Variants in DIS3L2 observed in about 807,000 individuals in gnomAD.
The protein encoded by DIS3L2 is DIS3-like exonuclease 2.
Under a neutral mutation model 97.5 loss-of-function variants are expected in DIS3L2, and 34 were observed. That is an observed-to-expected ratio of 0.35 (90% confidence interval 0.27 to 0.46). DIS3L2 has a LOEUF of 0.46. DIS3L2 is among the 20% of genes least tolerant of loss of function. The pLI is 1.00. For synonymous variants in DIS3L2, 435 were observed against 445.2 expected (o/e 0.98, Z 0.29); for missense variants, 1,038 against 1,146.0 (o/e 0.91, Z 1.36).
intron 1 of DIS3L2, among the ~76,000 whole-genome samples, chr2:231,963,828 C>T (rs534579894): frequency 6.6e-6 from 1 of 152,280 alleles, no homozygotes; most frequent in East Asian, 1.9e-4. Context: ...AAGTGATCCT[C>T]CCACCTCAGC....
At chr2:232,115,592 T>G (rs996717760) in intron 6 of DIS3L2, among the ~76,000 whole-genome samples, 10 of 152,190 alleles carry the variant, frequency 6.6e-5, no homozygotes, top group African/African-American at 2.4e-4. Flanking sequence ...GAATTGTAAT[T>G]GCCATGTGTC....
chr2:232,024,091 A>G (rs1457781487), intron 3 of DIS3L2, among the ~76,000 whole-genome samples, 186 bp from the exon 4 acceptor site: 1 of 152,216 alleles, frequency 6.6e-6, no homozygotes, highest in East Asian at 1.9e-4. Context: ...TGTTTTTGAT[A>G]GAACCCTCTA....
chr2:231,996,509 C>T (rs985173041), intron 1 of DIS3L2, among the ~76,000 whole-genome samples: 2 of 152,112 alleles, frequency 1.3e-5, no homozygotes, highest in African/African-American at 2.4e-5. Flanking sequence ...AACATGAAGC[C>T]TCTATTTTGT....
chr2:232,218,680 A>C (rs1167691799), intron 10 of DIS3L2, among the ~76,000 whole-genome samples: 3 of 152,208 alleles, frequency 2.0e-5, no homozygotes, highest in Non-Finnish European at 4.4e-5. Flanking sequence ...AAGGTTTTAC[A>C]AAGTAATCTT....
chr2:232,202,449 G>A (rs753637797), intron 9 of DIS3L2, among the ~76,000 whole-genome samples: 8 of 152,140 alleles, frequency 5.3e-5, no homozygotes, highest in Non-Finnish European at 1.0e-4. Flanking sequence ...TCATTGAACC[G>A]GTGAGTAGAA....
intron 5 of DIS3L2, among the ~76,000 whole-genome samples, chr2:232,050,797 G>A (rs546612783): frequency 1.2e-4 from 18 of 152,308 alleles, no homozygotes; most frequent in African/African-American, 4.1e-4. Flanking sequence ...GACTACCCTC[G>A]ATGAATTTGG....
intron 6 of DIS3L2, among the ~76,000 whole-genome samples, chr2:232,111,670 C>G (rs189330233): frequency 3.7e-4 from 57 of 152,266 alleles, no homozygotes; most frequent in South Asian, 2.1e-4. Context: ...TAAATAGCTA[C>G]ATGTGGTTAG....
chr2:231,984,103 A>G (rs1164155178), intron 1 of DIS3L2, among the ~76,000 whole-genome samples: 3 of 151,772 alleles, frequency 2.0e-5, no homozygotes, highest in Non-Finnish European at 4.4e-5. Flanking sequence ...CTCATTTCTA[A>G]TATTTATATC....
Position 232,087,486 on chromosome 2 carries a change from G to C in DIS3L2, c.367-1G>C. On this transcript the variant is annotated splice_acceptor_variant, in intron 5 of 20. Coordinates refer to ENST00000325385, the MANE Select transcript of DIS3L2 (RefSeq NM_152383.5). LOFTEE classifies it high-confidence loss of function. ...TAGCAGAATTTTTCTGTTTTCTTTA[G>C]GTAGTTAAACCAGAGAGCAATGACA... is the stretch of plus-strand genomic sequence containing the variant. 4 of 1,598,014 alleles carry C rather than the reference G, an allele frequency of 2.5e-6. No homozygotes were observed. Among genetic ancestry groups the C allele is most frequent in the Non-Finnish European group, 3.4e-6 (4 of 1,171,224 alleles).
intron 14 of DIS3L2, 28 bp from the exon 15 acceptor site, chr2:232,329,785 T>TGCCCGGGGGCG: frequency 1.0e-6 from 1 of 967,142 alleles, no homozygotes. Context: ...ACCCCAGCGG[T>TGCCCGGGGGCG]CCCTCCCATC....
chr2:232,013,303 G>A (rs1175555069), intron 1 of DIS3L2, among the ~76,000 whole-genome samples: 1 of 152,142 alleles, frequency 6.6e-6, no homozygotes, highest in Admixed American at 6.5e-5. Context: ...ATTCTAATCT[G>A]TTGTTTTTCT....
At chr2:232,053,440 C>CT (rs1695462525) in intron 5 of DIS3L2, among the ~76,000 whole-genome samples, 1 of 152,220 alleles carries the variant, frequency 6.6e-6, no homozygotes, top group South Asian at 2.1e-4. Flanking sequence ...TCCTCAGACT[C>CT]TAATTGGGTG....
intron 10 of DIS3L2, among the ~76,000 whole-genome samples, chr2:232,228,207 C>A (rs1692698038): frequency 6.6e-6 from 1 of 152,206 alleles, no homozygotes; most frequent in Non-Finnish European, 1.5e-5. Context: ...CTCAGGTGAT[C>A]CACCCGCCTC....
chr2:232,080,014 G>A (rs188342480), intron 5 of DIS3L2, among the ~76,000 whole-genome samples: 358 of 152,302 alleles, frequency 2.4e-3, no homozygotes, highest in Non-Finnish European at 4.0e-3. Flanking sequence ...TAAAAGAAAC[G>A]CTCTAACTTT....
rs541305711 is a variant in DIS3L2, at chr2:232,214,713, G to T, written c.1204+4308G>T. On this transcript the variant is annotated intron_variant, in intron 10 of 20. Transcript: ENST00000325385. ...GTTCCTCCTTATTGGGCAGGACTGG[G>T]TTCAGAGTAACAGCTACCCATTCTG... is the stretch of plus-strand genomic sequence containing the variant. Among the ~76,000 whole-genome samples, 31 of 152,280 alleles carry T rather than the reference G, an allele frequency of 2.0e-4. No individual in the cohort carries two copies. In the South Asian group the frequency reaches 2.3e-3, roughly 11 times the overall value.
intron 16 of DIS3L2, 74 bp from the exon 17 acceptor site, chr2:232,333,766 T>TCA: frequency 1.6e-5 from 22 of 1,398,038 alleles, no homozygotes; most frequent in South Asian, 1.1e-4. Flanking sequence ...GGTGAGGCTG[T>TCA]GGGTGGTGCC....
At chr2:232,247,378 A>G (rs1693279617) in intron 11 of DIS3L2, among the ~76,000 whole-genome samples, 2 of 152,200 alleles carry the variant, frequency 1.3e-5, no homozygotes, top group East Asian at 1.9e-4. Context: ...GTGCTAGCCA[A>G]TTCGGTTCCT....
chr2:232,333,764 T>TGGAA lies in DIS3L2; in HGVS notation c.2011-75_2011-74insGAAG. 7.6e-6 allele frequency: 11 copies of TGGAA among 1,444,500 alleles called. No homozygotes were observed. In the South Asian group the frequency reaches 7.7e-5, roughly 10 times the overall value. 89.5% of individuals were successfully genotyped at this position (1,444,500 alleles called of 1,614,324 possible). On this transcript the variant is annotated intron_variant, in intron 16 of 20. Coordinates refer to ENST00000325385, the MANE Select transcript of DIS3L2 (RefSeq NM_152383.5). Reference sequence around the variant, plus strand: ...CACACATCGCTGCCGACGGTGAGGCTGTGGGTGGTGCCAGCCTTCCAGGCC... The same window carrying TGGAA: ...CACACATCGCTGCCGACGGTGAGGCTGGAAGTGGGTGGTGCCAGCCTTCCAGGCC...
chr2:232,341,295 G>A (rs988030330), downstream of DIS3L2, among the ~76,000 whole-genome samples: 1 of 152,202 alleles, frequency 6.6e-6, no homozygotes, highest in Non-Finnish European at 1.5e-5. Flanking sequence ...CTGGCAACCC[G>A]CCCCGGGACG....
Sources: gnomAD v4.1 joint callset for allele counts (sites outside exome capture counted in the v4.1 genomes callset) on GRCh38, gnomAD v4.1.1 for gene constraint, MANE v1.5 for transcripts, NCBI Gene and HGNC (gene_info 2026-07-23, HGNC 2026-07-21) for gene names.